The following MMS19 variants were observed in gnomAD, a reference collection of about 807,000 sequenced individuals.
MMS19 encodes MMS19 nucleotide excision repair protein homolog.
A neutral mutation model predicts 129.8 loss-of-function variants in MMS19; 77 were observed. That is an observed-to-expected ratio of 0.59 (90% CI 0.49 to 0.72). The LOEUF is 0.72. Among genes scored for constraint, MMS19 ranks in the 30% least tolerant of loss-of-function variants. The pLI is 0.00. For synonymous variants in MMS19, 491 were observed against 502.8 expected (o/e 0.98, Z 0.31); for missense variants, 1,168 against 1,266.3 (o/e 0.92, Z 1.18).
intron 22 of MMS19, 42 bp from the exon 23 acceptor site, chr10:97,461,664 G>A (rs1314969545): frequency 6.3e-7 from 1 of 1,584,542 alleles, no homozygotes; most frequent in Non-Finnish European, 8.6e-7. Context: ...GAGAACACTT[G>A]AACTCCAAGA....
intron 25 of MMS19, 37 bp downstream of exon 25, chr10:97,460,658 T>G: frequency 6.5e-7 from 1 of 1,540,062 alleles, no homozygotes; most frequent in Non-Finnish European, 8.8e-7. Context: ...AAAGTTTGTT[T>G]AGGTCCTGGG....
chr10:97,458,675 A>C lies in MMS19; in HGVS notation c.*17T>G. 6.2e-7 allele frequency: 1 copy of C among 1,603,522 alleles called. No homozygotes were observed. The highest frequency in any genetic ancestry group is 8.5e-7 in the Non-Finnish European group (1 of 1,174,778). ...CCAGGTTAGATTGTCAGAACAGTCT[A>C]GGCCAGGACTGAGGGCTCAGCTGCC... On this transcript the variant is annotated 3_prime_UTR_variant, in exon 31 of 31. Transcript: ENST00000438925.
At chr10:97,479,008 G>A (rs529665566) in intron 3 of MMS19, among the ~76,000 whole-genome samples, 1 of 152,054 alleles carries the variant, frequency 6.6e-6, no homozygotes, top group Non-Finnish European at 1.5e-5. Context: ...AAGCCCAGAG[G>A]TTTAAGGCCA....
chr10:97,469,449 C>A (rs949082042), intron 11 of MMS19, among the ~76,000 whole-genome samples, 197 bp downstream of exon 11: 3 of 152,200 alleles, frequency 2.0e-5, no homozygotes, highest in African/African-American at 7.2e-5. Flanking sequence ...CTGCTCTTAC[C>A]AAGCAGCTGA....
At chr10:97,474,084 T>G (rs1422175748) in intron 8 of MMS19, among the ~76,000 whole-genome samples, 1 of 137,196 alleles carries the variant, frequency 7.3e-6, no homozygotes, top group African/African-American at 2.8e-5. Flanking sequence ...TCCAGAGAGG[T>G]GGAGGCTGCA....
At chr10:97,496,665 T>G (rs2135601523) in intron 1 of MMS19, among the ~76,000 whole-genome samples, 1 of 152,218 alleles carries the variant, frequency 6.6e-6, no homozygotes, top group South Asian at 2.1e-4. Context: ...TGTGAAAGAC[T>G]CATCACAAAT....
At position 97,458,638 on chromosome 10, in the gene MMS19, C is replaced by T. The variant is rs1005958904; in HGVS notation, c.*54G>A. On this transcript the variant is annotated 3_prime_UTR_variant, in exon 31 of 31. Coordinates refer to ENST00000438925, the MANE Select transcript of MMS19 (RefSeq NM_022362.5). ...CCCTGCTTTGGGGAAGATGGCTCAACAGTTAGTAATCCCAGGTTAGATTGT... is the reference window on the plus strand; with the variant it reads ...CCCTGCTTTGGGGAAGATGGCTCAATAGTTAGTAATCCCAGGTTAGATTGT... 1.5e-5 allele frequency: 23 copies of T among 1,545,862 alleles called. No individual in the cohort carries two copies. The highest frequency in any genetic ancestry group is 6.0e-5 in the Admixed American group (3 of 50,336).
Position 97,461,897 on chromosome 10 carries a change from CTA to C in MMS19, c.2116-3_2116-2del. 6.2e-7 allele frequency: 1 copy of C among 1,603,482 alleles called. No homozygotes were observed. Among genetic ancestry groups the C allele is most frequent in the Middle Eastern group, 1.7e-4 (1 of 6,048 alleles). On this transcript the variant is annotated splice_acceptor_variant and splice_polypyrimidine_tract_variant and intron_variant, in intron 21 of 30. Coordinates refer to ENST00000438925, the MANE Select transcript of MMS19 (RefSeq NM_022362.5). LOFTEE classifies it high-confidence loss of function. ...GCCGCCTCTGCCCTGAGGAGCCATC[CTA>C]TAAAGGAAGGAGAGCCCGATCAAGC...
chr10:97,462,489 T>TA lies in MMS19; in HGVS notation c.2012+93dup, dbSNP rs148356959. The TA allele has an allele frequency of 7.1e-4, 618 of 871,290 alleles. 4 individuals are homozygous for TA. The African/African-American group carries it at 8.4e-3, about 12-fold the overall frequency. The allele number at this position is 871,290 out of a possible 1,614,324, so 54.0% of individuals were successfully genotyped here. A position where few individuals can be genotyped will look rare whatever the true frequency, so the allele number is the denominator to read the frequency against. Reference sequence around the variant, plus strand: ...TAACTGCACCACATTTACATATAGGTAAAAGGACAGCTGACAAGGCAGCTA... The same window carrying TA: ...TAACTGCACCACATTTACATATAGGTAAAAAGGACAGCTGACAAGGCAGCTA... On this transcript the variant is annotated intron_variant, in intron 20 of 30. Transcript: ENST00000438925.
At chr10:97,481,994 G>A (rs950321827) in intron 2 of MMS19, among the ~76,000 whole-genome samples, 3 of 152,148 alleles carry the variant, frequency 2.0e-5, no homozygotes, top group African/African-American at 7.2e-5. Context: ...GGGCAACATA[G>A]TGGGACCCTG....
chr10:97,468,629 T>C (rs1223915740), intron 12 of MMS19, among the ~76,000 whole-genome samples: 2 of 152,302 alleles, frequency 1.3e-5, no homozygotes, highest in African/African-American at 4.8e-5. Flanking sequence ...GTTTTTTTTT[T>C]AGAGATGGAG....
chr10:97,460,680 C>A lies in MMS19; in HGVS notation c.2469+15G>T, dbSNP rs2031569808. On this transcript the variant is annotated intron_variant, in intron 25 of 30. Coordinates refer to ENST00000438925, the MANE Select transcript of MMS19 (RefSeq NM_022362.5). Reference sequence around the variant, plus strand: ...GTTTAGGTCCTGGGTTCTTCTGTCTCCAGAAAGGACGTACCCGGGCTGTAA... The same window carrying A: ...GTTTAGGTCCTGGGTTCTTCTGTCTACAGAAAGGACGTACCCGGGCTGTAA... 2 of 1,580,880 alleles carry A rather than the reference C, an allele frequency of 1.3e-6. No individual in the cohort carries two copies. Among genetic ancestry groups the A allele is most frequent in the Non-Finnish European group, 1.7e-6 (2 of 1,162,132 alleles).
At chr10:97,463,808 C>A in intron 19 of MMS19, 50 bp downstream of exon 19, 2 of 1,563,210 alleles carry the variant, frequency 1.3e-6, no homozygotes, top group East Asian at 4.6e-5. Flanking sequence ...TGTTCAACAC[C>A]AGCAGAGGGC....
Position 97,467,596 on chromosome 10 carries a change from A to G in MMS19, c.1219-13T>C. On this transcript the variant is annotated splice_polypyrimidine_tract_variant and intron_variant, in intron 13 of 30. Coordinates refer to ENST00000438925, the MANE Select transcript of MMS19 (RefSeq NM_022362.5). ...GCCGCTGGCTGCTCTGTAACGTTTC[A>G]AGGGGTACTAGAGTCAAAGAATATT... 6.2e-7 allele frequency: 1 copy of G among 1,612,744 alleles called. No individual in the cohort carries two copies. Among genetic ancestry groups the G allele is most frequent in the Non-Finnish European group, 8.5e-7 (1 of 1,178,762 alleles).
rs1201798635 is a variant in MMS19, at chr10:97,459,425, G to C, written c.2841C>G (p.Val947=). 1 of 1,609,108 alleles carries C rather than the reference G, an allele frequency of 6.2e-7. No individual in the cohort carries two copies. The highest frequency in any genetic ancestry group is 1.3e-5 in the African/African-American group (1 of 74,886). ...LQPLLLEAPQ[V]MSLHVDTLVT... is the part of the protein sequence containing the mutation. ...CGAGGGTGTCCACGTGAAGACTCAT[G>C]ACTTGGGGTGCTTCCAGTAGAAGAG... is the stretch of plus-strand genomic sequence containing the variant. The change falls in exon 28 of 31, where the codon GTC becomes GTG. Residue 947 remains valine (V), a synonymous_variant. Transcript: ENST00000438925.
intron 16 of MMS19, 141 bp downstream of exon 16, chr10:97,466,363 A>G: frequency 1.3e-6 from 1 of 785,428 alleles, no homozygotes; most frequent in South Asian, 1.5e-5. Flanking sequence ...ACTGGTTAGC[A>G]GCCAGAGTCT....
intron 2 of MMS19, among the ~76,000 whole-genome samples, chr10:97,481,454 G>A (rs29001275): frequency 6.6e-6 from 1 of 152,178 alleles, no homozygotes; most frequent in Non-Finnish European, 1.5e-5. Context: ...ACCAAAACAA[G>A]GAGAATACGT....
intron 8 of MMS19, among the ~76,000 whole-genome samples, chr10:97,471,071 C>A (rs1437498170): frequency 1.3e-5 from 2 of 152,182 alleles, no homozygotes; most frequent in Non-Finnish European, 2.9e-5. Context: ...TCTGATTACA[C>A]ATTTTCTATC....
At chr10:97,469,315 AC>A (rs1418508813) in intron 11 of MMS19, among the ~76,000 whole-genome samples, 8 of 152,204 alleles carry the variant, frequency 5.3e-5, no homozygotes, top group Admixed American at 5.2e-4. Context: ...TTTCTGAGAA[AC>A]AAAAAGCCAA....
Sources: gnomAD v4.1 joint callset for allele counts (sites outside exome capture counted in the v4.1 genomes callset) on GRCh38, gnomAD v4.1.1 for gene constraint, MANE v1.5 for transcripts, NCBI Gene and HGNC (gene_info 2026-07-23, HGNC 2026-07-21) for gene names.